The following RALGAPA2 variants were observed in gnomAD, a reference collection of about 807,000 sequenced individuals.
RALGAPA2 encodes Ral GTPase activating protein catalytic subunit alpha 2, also known as ral GTPase-activating protein subunit alpha-2.
A neutral mutation model predicts 230.4 loss-of-function variants in RALGAPA2; 139 were observed. The observed-to-expected ratio is 0.60, with a 90% CI of 0.53 to 0.69. The LOEUF is 0.69. RALGAPA2 is among the 30% of genes least tolerant of loss of function. The pLI, the probability that RALGAPA2 is intolerant of heterozygous loss-of-function variation, is 0.00. For synonymous variants in RALGAPA2, 847 were observed against 837.8 expected (o/e 1.01, Z -0.19); for missense variants, 2,163 against 2,276.0 (o/e 0.95, Z 1.01).
chr20:20,554,470 T>G (rs2064022209), intron 23 of RALGAPA2, among the ~76,000 whole-genome samples: 1 of 152,242 alleles, frequency 6.6e-6, no homozygotes, highest in Middle Eastern at 3.2e-3. Context: ...GATATGAATT[T>G]CTCTGGTGAA....
chr20:20,512,258 C>T lies in RALGAPA2; in HGVS notation c.4856+255G>A, dbSNP rs560725664. ...ACACACATACACACACACACACACA[C>T]ACACACACACAAATGTTTGATATCC... On this transcript the variant is annotated intron_variant, in intron 32 of 39. Transcript: ENST00000202677. Among the ~76,000 whole-genome samples the T allele has an allele frequency of 5.3e-3, 799 of 151,996 alleles. 6 individuals are homozygous for T. The highest frequency in any genetic ancestry group is 0.018 in the African/African-American group (762 of 41,420).
intron 16 of RALGAPA2, among the ~76,000 whole-genome samples, chr20:20,598,446 CCTT>C (rs1334644503): frequency 6.6e-6 from 1 of 152,244 alleles, no homozygotes; most frequent in East Asian, 1.9e-4. Context: ...ACCCTTCTAT[CCTT>C]CTTAATTGTT....
chr20:20,704,198 G>T (rs1024014817), intron 1 of RALGAPA2, among the ~76,000 whole-genome samples: 7 of 152,056 alleles, frequency 4.6e-5, no homozygotes, highest in African/African-American at 1.7e-4. Flanking sequence ...TCTTTCAAGT[G>T]GCCTTAGAGG....
Position 20,712,463 on chromosome 20 carries a change from G to A in RALGAPA2, c.18C>T (p.Ser6=), listed in dbSNP as rs978942526. The part of the protein sequence containing the change: MFSRR[S]HGDVKKSTQK... ...GGGTGGACTTCTTCACATCCCCGTG[G>A]CTCCTTCGGGAGAACATCCCGCGGC... Residue 6 remains serine (S), a synonymous_variant, in exon 1 of 40, where the codon AGC becomes AGT. Coordinates refer to ENST00000202677, the MANE Select transcript of RALGAPA2 (RefSeq NM_020343.4). The surrounding 1 kb of genome is among the most constrained non-coding windows in gnomAD (Gnocchi z 5.5). 6.4e-7 allele frequency: 1 copy of A among 1,550,666 alleles called. No homozygotes were observed. The highest frequency in any genetic ancestry group is 2.5e-5 in the East Asian group (1 of 40,530).
chr20:20,656,773 C>T (rs1260970097), intron 3 of RALGAPA2, among the ~76,000 whole-genome samples: 1 of 152,114 alleles, frequency 6.6e-6, no homozygotes, highest in African/African-American at 2.4e-5. Flanking sequence ...GGATCAAGAA[C>T]CCAAGCTGGT....
intron 3 of RALGAPA2, among the ~76,000 whole-genome samples, chr20:20,673,570 G>A (rs1202009231): frequency 1.3e-5 from 2 of 151,128 alleles, no homozygotes; most frequent in Non-Finnish European, 2.9e-5. Flanking sequence ...TACCAAACTT[G>A]AATCAAGAAA....
chr20:20,472,023 T>C (rs753242191), intron 37 of RALGAPA2: 63 of 152,324 alleles, frequency 4.1e-4, no homozygotes, highest in Admixed American at 1.6e-3. Context: ...CAATACCAAT[T>C]AGAAACAAAG....
At chr20:20,637,615 AAAT>A (rs1221498870) in intron 7 of RALGAPA2, 114 bp from the exon 8 acceptor site, 3 of 921,036 alleles carry the variant, frequency 3.3e-6, no homozygotes, top group East Asian at 2.9e-5. Flanking sequence ...AAAAAATGAC[AAAT>A]AATATTGACA....
chr20:20,578,222 C>T (rs2064880792), intron 20 of RALGAPA2, among the ~76,000 whole-genome samples: 1 of 152,096 alleles, frequency 6.6e-6, no homozygotes, highest in Non-Finnish European at 1.5e-5. Context: ...AATTACTCTG[C>T]TGGTGGCGTA....
At chr20:20,635,254 C>G in intron 9 of RALGAPA2, 164 bp downstream of exon 9, 2 of 706,114 alleles carry the variant, frequency 2.8e-6, no homozygotes, top group Non-Finnish European at 4.8e-6. Flanking sequence ...CTCACAACTC[C>G]CTCTGAAACC....
chr20:20,627,442 G>T (rs940173669), intron 10 of RALGAPA2, among the ~76,000 whole-genome samples: 1 of 152,148 alleles, frequency 6.6e-6, no homozygotes, highest in African/African-American at 2.4e-5. Flanking sequence ...ATTTTAAAAG[G>T]CAAGTGTAGG....
chr20:20,472,616 A>C (rs2061564389), intron 37 of RALGAPA2: 1 of 385,608 alleles, frequency 2.6e-6, no homozygotes, highest in African/African-American at 2.1e-5. Flanking sequence ...TAAATTATGA[A>C]AGTAAACTCT....
At chr20:20,478,000 T>G (rs1300891803) in intron 36 of RALGAPA2, among the ~76,000 whole-genome samples, 1 of 152,252 alleles carries the variant, frequency 6.6e-6, no homozygotes, top group African/African-American at 2.4e-5. Context: ...AAATGTTTGC[T>G]GGCCTCTCTT....
Position 20,517,770 on chromosome 20 carries a change from A to G in RALGAPA2, c.4084+3147T>C, listed in dbSNP as rs532988860. Among the ~76,000 whole-genome samples, 9 of 152,154 alleles carry G rather than the reference A, an allele frequency of 5.9e-5. 1 individual carries two copies. The East Asian group carries it at 1.7e-3, about 29-fold the overall frequency. On this transcript the variant is annotated intron_variant, in intron 31 of 39. Coordinates refer to ENST00000202677, the MANE Select transcript of RALGAPA2 (RefSeq NM_020343.4). The stretch of plus-strand genomic sequence containing the variant: ...GCAAAATCAAATTAGGCTATAATAA[A>G]CTATAAACATTAAAGCCACATCTTG...
intron 4 of RALGAPA2, among the ~76,000 whole-genome samples, chr20:20,651,890 C>A (rs1461572740): frequency 1.3e-5 from 2 of 152,212 alleles, no homozygotes; most frequent in African/African-American, 4.8e-5. Flanking sequence ...TGGAGCACCA[C>A]AAATCCCCAT....
At chr20:20,616,415 T>A (rs1401682825) in intron 12 of RALGAPA2, among the ~76,000 whole-genome samples, 1 of 151,988 alleles carries the variant, frequency 6.6e-6, no homozygotes, top group African/African-American at 2.4e-5. Context: ...AGCCTTTCCC[T>A]AGGGGAAAAG....
At chr20:20,679,844 C>T (rs1462929842) in intron 2 of RALGAPA2, among the ~76,000 whole-genome samples, 1 of 152,198 alleles carries the variant, frequency 6.6e-6, no homozygotes, top group East Asian at 1.9e-4. Context: ...TACAGAACAA[C>T]TGACTTTTTA....
chr20:20,497,563 C>G (rs1818005121), intron 35 of RALGAPA2, among the ~76,000 whole-genome samples: 1 of 152,170 alleles, frequency 6.6e-6, no homozygotes, highest in Non-Finnish European at 1.5e-5. Flanking sequence ...TGTTGGTGCT[C>G]TAGTATCTGT....
intron 36 of RALGAPA2, among the ~76,000 whole-genome samples, chr20:20,484,689 C>T (rs938563357): frequency 2.0e-5 from 3 of 152,026 alleles, no homozygotes; most frequent in Non-Finnish European, 2.9e-5. Flanking sequence ...AAATAATATA[C>T]ATAATAGATA....
Sources: allele counts gnomAD v4.1 joint callset (sites outside exome capture counted in the v4.1 genomes callset), GRCh38; gene constraint gnomAD v4.1.1; non-coding constraint Gnocchi (gnomAD v3.1); transcripts MANE v1.5; gene names NCBI Gene and HGNC (gene_info 2026-07-23, HGNC 2026-07-21).